PIGM: variants seen among roughly 807,000 people sequenced by gnomAD.
PIGM encodes the protein phosphatidylinositol glycan anchor biosynthesis class M, also known as GPI alpha-1,4-mannosyltransferase I, catalytic subunit.
In PIGM, 7 loss-of-function variants were observed where a neutral mutation model predicts 14.6. That is an observed-to-expected ratio of 0.48 (90% CI 0.27 to 0.90). The LOEUF (loss-of-function observed/expected upper bound fraction) is 0.90, where lower values mean the gene tolerates loss of function less well. Among genes scored for constraint, PIGM ranks in the 40% least tolerant of loss-of-function variants. PIGM has a pLI of 0.12. For synonymous variants in PIGM, 216 were observed against 215.9 expected (o/e 1.00, Z 0.00); for missense variants, 506 against 516.2 (o/e 0.98, Z 0.19).
chr1:160,031,332 C>CA lies in PIGM; in HGVS notation c.407dup (p.Pro137AlafsTer9). 6.2e-7 allele frequency: 1 copy of CA among 1,612,018 alleles called. No individual in the cohort carries two copies. Among genetic ancestry groups the CA allele is most frequent in the Non-Finnish European group, 8.5e-7 (1 of 1,178,778 alleles). On this transcript the variant is annotated frameshift_variant, in exon 1 of 1. Transcript: ENST00000368090. LOFTEE classifies it low-confidence loss of function (END_TRUNC). ...TACCGCGGCTGGATACTGCCATAGG[C>CA]AGGGGGTTAAGAAGCCAAAAGACAC... is the stretch of plus-strand genomic sequence containing the variant.
In PIGM at chr1:160,031,221, A is replaced by C; in HGVS notation, c.519T>G (p.Tyr173Ter). ...KRLVACAAVF[Y>*]GFAVHMKIYP... ...ATATCTTCATATGCACCGCGAAACCATAGAATACAGCTGCACACGCGACGA... is the reference window on the plus strand; with the variant it reads ...ATATCTTCATATGCACCGCGAAACCCTAGAATACAGCTGCACACGCGACGA... The change falls in exon 1 of 1, where the codon TAT (tyrosine) becomes TAG (stop). Residue 173 changes from tyrosine (Y) to a stop codon, truncating the protein, a stop_gained. Transcript: ENST00000368090. LOFTEE classifies it low-confidence loss of function (END_TRUNC). 4 of 1,614,174 alleles carry C rather than the reference A, an allele frequency of 2.5e-6. No homozygotes were observed. Among genetic ancestry groups the C allele is most frequent in the Non-Finnish European group, 3.4e-6 (4 of 1,180,032 alleles).
In PIGM at chr1:160,031,107, G is replaced by A; in HGVS notation, c.633C>T (p.Phe211=). The change falls in exon 1 of 1, where the codon TTC becomes TTT. Residue 211 remains phenylalanine, a synonymous_variant. Transcript: ENST00000368090. ...DKSLRQFRYT[F]QACLYELLKR... ...TCAGGAGCTCGTACAAACAAGCCTG[G>A]AAAGTGTACCGGAATTGACGGAGGC... is the stretch of plus-strand genomic sequence containing the variant. The A allele has an allele frequency of 3.1e-6, 5 of 1,614,076 alleles. No individual in the cohort carries two copies. Among genetic ancestry groups the A allele is most frequent in the Non-Finnish European group, 3.4e-6 (4 of 1,179,950 alleles).
In PIGM at chr1:160,025,922, T is replaced by C. The variant is rs1410403422; in HGVS notation, c.*4546A>G. On this transcript the variant is annotated 3_prime_UTR_variant, in exon 1 of 1. Transcript: ENST00000368090. ...TTAAATAAAACCATATATGGCGGAA[T>C]AGGTGCCCAAAATTGGTTAATCATG... is the stretch of plus-strand genomic sequence containing the variant. 1 of 152,166 alleles carries C rather than the reference T, an allele frequency of 6.6e-6. No homozygotes were observed. Among genetic ancestry groups the C allele is most frequent in the Non-Finnish European group, 1.5e-5 (1 of 68,012 alleles). The allele number at this position is 152,166 out of a possible 1,614,324, so 9.4% of individuals were successfully genotyped here. A position where few individuals can be genotyped will look rare whatever the true frequency, so the allele number is the denominator to read the frequency against.
chr1:160,031,158 C>A lies in PIGM; in HGVS notation c.582G>T (p.Leu194=), dbSNP rs35060029. 1.6e-3 allele frequency: 2,633 copies of A among 1,613,984 alleles called. 41 individuals carry two copies. In the African/African-American group the frequency reaches 0.031, roughly 19 times the overall value. ...TTTTGTCATTGTCGCGATCTGGAAG[C>A]AGGTGGAGGGTTATGGGAAGGATGT... ...VTYILPITLH[L]LPDRDNDKSL... Residue 194 remains leucine (L), a synonymous_variant, in exon 1 of 1, where the codon CTG becomes CTT. Transcript: ENST00000368090.
rs769407279 is a variant in PIGM, at chr1:160,030,664, A to G, written c.1076T>C (p.Val359Ala). 2 of 1,614,212 alleles carry G rather than the reference A, an allele frequency of 1.2e-6. No individual in the cohort carries two copies. The highest frequency in any genetic ancestry group is 1.7e-6 in the Non-Finnish European group (2 of 1,180,028). ...CCCTATAAACCATAACATTAGGAGAACTACAGCTCTTTTCCAAGGCATTCT... is the reference window on the plus strand; with the variant it reads ...CCCTATAAACCATAACATTAGGAGAGCTACAGCTCTTTTCCAAGGCATTCT... ...LVRMPWKRAV[V>A]LLMLWFIGQA... Residue 359 changes from valine (V) to alanine (A), a missense_variant, in exon 1 of 1, where the codon GTT (valine) becomes GCT (alanine). Coordinates refer to ENST00000368090, the MANE Select transcript of PIGM (RefSeq NM_145167.3).
Position 160,029,647 on chromosome 1 carries a change from G to C in PIGM, c.*821C>G, listed in dbSNP as rs909377449. The C allele has an allele frequency of 6.6e-6, 1 of 151,292 alleles. No homozygotes were observed. Among genetic ancestry groups the C allele is most frequent in the Non-Finnish European group, 1.5e-5 (1 of 67,886 alleles). 9.4% of individuals were successfully genotyped at this position (151,292 alleles called of 1,614,324 possible). A position where few individuals can be genotyped will look rare whatever the true frequency, so the allele number is the denominator to read the frequency against. Reference sequence around the variant, plus strand: ...CCTGACCTCGTGATCTGCCCGCCTTGGCCTCCCAAAGTCTTTGGATTATCT... The same window carrying C: ...CCTGACCTCGTGATCTGCCCGCCTTCGCCTCCCAAAGTCTTTGGATTATCT... On this transcript the variant is annotated 3_prime_UTR_variant, in exon 1 of 1. Coordinates refer to ENST00000368090, the MANE Select transcript of PIGM (RefSeq NM_145167.3).
At position 160,029,335 on chromosome 1, in the gene PIGM, A is replaced by T. The variant is rs2101918783; in HGVS notation, c.*1133T>A. The T allele has an allele frequency of 6.6e-6, 1 of 152,274 alleles. No homozygotes were observed. Among genetic ancestry groups the T allele is most frequent in the African/African-American group, 2.4e-5 (1 of 41,552 alleles). The allele number at this position is 152,274 out of a possible 1,614,324, so 9.4% of individuals were successfully genotyped here. A position where few individuals can be genotyped will look rare whatever the true frequency, so the allele number is the denominator to read the frequency against. The stretch of plus-strand genomic sequence containing the variant: ...TAATACCACTGGGACTAAGTGCTAT[A>T]AAAGTAAGTAATAAAACAAATACAT... On this transcript the variant is annotated 3_prime_UTR_variant, in exon 1 of 1. Coordinates refer to ENST00000368090, the MANE Select transcript of PIGM (RefSeq NM_145167.3).
rs1203359437 is a variant in PIGM at position 160,029,626 on chromosome 1, AC to A, written c.*841del. ...TAGCCAGGATGGTCTCAATCTCCTG[AC>A]CTCGTGATCTGCCCGCCTTGGCCTC... is the stretch of plus-strand genomic sequence containing the variant. On this transcript the variant is annotated 3_prime_UTR_variant, in exon 1 of 1. Coordinates refer to ENST00000368090, the MANE Select transcript of PIGM (RefSeq NM_145167.3). 1 of 151,664 alleles carries A rather than the reference AC, an allele frequency of 6.6e-6. No homozygotes were observed. The highest frequency in any genetic ancestry group is 1.5e-5 in the Non-Finnish European group (1 of 67,976). 9.4% of individuals were successfully genotyped at this position (151,664 alleles called of 1,614,324 possible).
rs372554547 is a variant in PIGM, at chr1:160,025,530, G to C, written c.*4938C>G. The C allele has an allele frequency of 1.3e-5, 2 of 152,342 alleles. No homozygotes were observed. Among genetic ancestry groups the C allele is most frequent in the African/African-American group, 4.8e-5 (2 of 41,590 alleles). The allele number at this position is 152,342 out of a possible 1,614,324, so 9.4% of individuals were successfully genotyped here. The stretch of plus-strand genomic sequence containing the variant: ...GGAAAAGTGCATGATGAAGCCAGCA[G>C]TAAACAAAGAAATTACACAATTTGG... On this transcript the variant is annotated 3_prime_UTR_variant, in exon 1 of 1. Transcript: ENST00000368090.
Position 160,027,366 on chromosome 1 carries a change from A to G in PIGM, c.*3102T>C, listed in dbSNP as rs1445172540. 3 of 152,248 alleles carry G rather than the reference A, an allele frequency of 2.0e-5. No individual in the cohort carries two copies. The highest frequency in any genetic ancestry group is 4.4e-5 in the Non-Finnish European group (3 of 68,038). The allele number at this position is 152,248 out of a possible 1,614,324, so 9.4% of individuals were successfully genotyped here. On this transcript the variant is annotated 3_prime_UTR_variant, in exon 1 of 1. Coordinates refer to ENST00000368090, the MANE Select transcript of PIGM (RefSeq NM_145167.3). ...GTAAGAGTCCAGATGGTGAGAAGTCAGTAACTAAAATCAGTGGTTTTAGGA... is the reference window on the plus strand; with the variant it reads ...GTAAGAGTCCAGATGGTGAGAAGTCGGTAACTAAAATCAGTGGTTTTAGGA...
Position 160,026,294 on chromosome 1 carries a change from T to C in PIGM, c.*4174A>G, listed in dbSNP as rs1648182969. The C allele has an allele frequency of 6.6e-6, 1 of 152,174 alleles. No homozygotes were observed. The highest frequency in any genetic ancestry group is 2.4e-5 in the African/African-American group (1 of 41,452). 9.4% of individuals were successfully genotyped at this position (152,174 alleles called of 1,614,324 possible). A position where few individuals can be genotyped will look rare whatever the true frequency, so the allele number is the denominator to read the frequency against. The stretch of plus-strand genomic sequence containing the variant: ...CCAAGAACGTCTGTTCTTTAAGATG[T>C]AACAAAAAACACCTGAAGAAATTTG... On this transcript the variant is annotated 3_prime_UTR_variant, in exon 1 of 1. Coordinates refer to ENST00000368090, the MANE Select transcript of PIGM (RefSeq NM_145167.3).
In PIGM at chr1:160,030,464, T is replaced by C. The variant is rs1648293156; in HGVS notation, c.*4A>G. 3.7e-6 allele frequency: 6 copies of C among 1,606,206 alleles called. No homozygotes were observed. Among genetic ancestry groups the C allele is most frequent in the Non-Finnish European group, 5.1e-6 (6 of 1,172,976 alleles). ...ACACAGTAGCAGAGGGTGTGGAACA[T>C]ACACTAGTCATATTTGATTCTCTCT... is the stretch of plus-strand genomic sequence containing the variant. On this transcript the variant is annotated 3_prime_UTR_variant, in exon 1 of 1. Coordinates refer to ENST00000368090, the MANE Select transcript of PIGM (RefSeq NM_145167.3).
rs1299981648 is a variant in PIGM, at chr1:160,025,050, A to G, written c.*5418T>C. The stretch of plus-strand genomic sequence containing the variant: ...GTAGTCAAACATTTATTTTATATAA[A>G]TATAATTTCCTTGCCTATATCCATT... On this transcript the variant is annotated 3_prime_UTR_variant, in exon 1 of 1. Coordinates refer to ENST00000368090, the MANE Select transcript of PIGM (RefSeq NM_145167.3). The G allele has an allele frequency of 6.6e-6, 1 of 152,246 alleles. No homozygotes were observed. Among genetic ancestry groups the G allele is most frequent in the Non-Finnish European group, 1.5e-5 (1 of 68,050 alleles). 9.4% of individuals were successfully genotyped at this position (152,246 alleles called of 1,614,324 possible).
At position 160,027,541 on chromosome 1, in the gene PIGM, C is replaced by A. The variant is rs1416992159; in HGVS notation, c.*2927G>T. On this transcript the variant is annotated 3_prime_UTR_variant, in exon 1 of 1. Transcript: ENST00000368090. ...AGAAGAAAATGTCATGTAGTTCCCT[C>A]TGTTCAGAACACACACAATCTTGAG... The A allele has an allele frequency of 6.6e-6, 1 of 152,114 alleles. No homozygotes were observed. The highest frequency in any genetic ancestry group is 1.5e-5 in the Non-Finnish European group (1 of 68,026). The allele number at this position is 152,114 out of a possible 1,614,324, so 9.4% of individuals were successfully genotyped here.
rs1029129229 is a variant in PIGM, at chr1:160,026,578, C to G, written c.*3890G>C. On this transcript the variant is annotated 3_prime_UTR_variant, in exon 1 of 1. Transcript: ENST00000368090. ...AGGTCAGGCGGGGTGCAGTGGCTCA[C>G]GCCTGGAATCCCAACACTTTGGGAA... 4 of 151,934 alleles carry G rather than the reference C, an allele frequency of 2.6e-5. No individual in the cohort carries two copies. The highest frequency in any genetic ancestry group is 9.7e-5 in the African/African-American group (4 of 41,378). The allele number at this position is 151,934 out of a possible 1,614,324, so 9.4% of individuals were successfully genotyped here.
rs1409804931 is a variant in PIGM, at chr1:160,031,168, G to A, written c.572C>T (p.Thr191Ile). 1.2e-6 allele frequency: 2 copies of A among 1,614,020 alleles called. No individual in the cohort carries two copies. The highest frequency in any genetic ancestry group is 1.7e-5 in the Admixed American group (1 of 60,002). Reference protein sequence around the residue: ...IYPVTYILPITLHLLPDRDND... With the variant: ...IYPVTYILPIILHLLPDRDND... ...GTCGCGATCTGGAAGCAGGTGGAGG[G>A]TTATGGGAAGGATGTAAGTCACTGG... The change falls in exon 1 of 1, where the codon ACC becomes ATC. Residue 191 changes from threonine (T) to isoleucine (I), a missense_variant. Physicochemically the swap from Thr to Ile is moderately conservative, Grantham distance 89. Transcript: ENST00000368090.
chr1:160,028,587 T>C lies in PIGM; in HGVS notation c.*1881A>G, dbSNP rs117138673. The stretch of plus-strand genomic sequence containing the variant: ...GTTAATTGTGACCAGCCTATAAACA[T>C]CTTATTTGCAAAGGATTTTAGGCCT... On this transcript the variant is annotated 3_prime_UTR_variant, in exon 1 of 1. Transcript: ENST00000368090. 83 of 152,288 alleles carry C rather than the reference T, an allele frequency of 5.5e-4. 1 individual carries two copies. Among genetic ancestry groups the C allele is most frequent in the East Asian group, 5.0e-3 (26 of 5,188 alleles). 9.4% of individuals were successfully genotyped at this position (152,288 alleles called of 1,614,324 possible).
At position 160,031,263 on chromosome 1, in the gene PIGM, G is replaced by A; in HGVS notation, c.477C>T (p.Tyr159=). 1.2e-6 allele frequency: 2 copies of A among 1,614,144 alleles called. No homozygotes were observed. The highest frequency in any genetic ancestry group is 2.2e-5 in the South Asian group (2 of 91,080). Residue 159 remains tyrosine, a synonymous_variant, in exon 1 of 1, where the codon TAC becomes TAT. Transcript: ENST00000368090. ...ACGCGACGAGTCTTTTCTTTATCAA[G>A]TAGAGGACCATCAGGACCAGGGAGG... ...IVASLVLMVL[Y]LIKKRLVACA...
rs746511972 is a variant in PIGM at position 160,031,565 on chromosome 1, C to T, written c.175G>A (p.Ala59Thr). The T allele has an allele frequency of 6.2e-7, 1 of 1,614,170 alleles. No individual in the cohort carries two copies. The highest frequency in any genetic ancestry group is 8.5e-7 in the Non-Finnish European group (1 of 1,180,034). ...DIDYQVFTDAARFVTEGRSPY... is the reference protein window; with the variant it reads ...DIDYQVFTDATRFVTEGRSPY... ...GAGCGCCCCTCCGTGACGAAGCGCG[C>T]GGCGTCGGTGAAGACCTGGTAGTCG... Residue 59 changes from alanine to threonine, a missense_variant, in exon 1 of 1, where the codon GCG becomes ACG. Physicochemically the swap from Ala to Thr is moderately conservative, Grantham distance 58. Transcript: ENST00000368090.
Sources: allele counts gnomAD v4.1 joint callset, GRCh38; gene constraint gnomAD v4.1.1; transcripts MANE v1.5; gene names NCBI Gene and HGNC (gene_info 2026-07-23, HGNC 2026-07-21).